Variants in NLRP14 observed in about 807,000 individuals in gnomAD.
NLRP14 encodes the protein NACHT, LRR and PYD domains-containing protein 14.
Under a neutral mutation model 94.7 loss-of-function variants are expected in NLRP14, and 105 were observed. The ratio of observed to expected loss-of-function variants is 1.11; its 90% CI spans 0.95 to 1.30. The LOEUF is 1.30. Ranked by LOEUF, NLRP14 falls within the 50% of genes most tolerant of loss-of-function variation. NLRP14 has a pLI of 0.00. For synonymous variants in NLRP14, 508 were observed against 459.9 expected (o/e 1.10, Z -1.34); for missense variants, 1,362 against 1,254.1 (o/e 1.09, Z -1.30).
intron 5 of NLRP14, among the ~76,000 whole-genome samples, chr11:7,047,340 G>C (rs766665892): frequency 2.0e-5 from 3 of 151,732 alleles, no homozygotes; most frequent in Non-Finnish European, 4.4e-5. Context: ...CCTGAGACAG[G>C]GTCTTACTCT....
chr11:7,074,441 A>C (rs542892545), downstream of NLRP14, among the ~76,000 whole-genome samples: 2 of 152,346 alleles, frequency 1.3e-5, no homozygotes, highest in Non-Finnish European at 2.9e-5. Flanking sequence ...CCTCTTTCAC[A>C]TGATAGCCTT....
chr11:7,071,819 G>C (rs907379897), downstream of NLRP14, among the ~76,000 whole-genome samples: 6 of 151,904 alleles, frequency 3.9e-5, no homozygotes, highest in African/African-American at 1.4e-4. Context: ...CTACCAGCTA[G>C]CAACCAGCAT....
intron 8 of NLRP14, among the ~76,000 whole-genome samples, chr11:7,058,842 T>C (rs16921956): frequency 0.031 from 4,719 of 152,092 alleles, 141 homozygotes; most frequent in East Asian, 0.13. Flanking sequence ...TAGCACTCTG[T>C]TGTATGTCTG....
At chr11:7,090,383 C>T in the NLRP14 span, 7 of 1,438,118 alleles carry the variant, frequency 4.9e-6, no homozygotes, top group Admixed American at 1.4e-4. Context: ...TACCCAAGGA[C>T]TAGTACAAGG....
chr11:7,061,048 CATT>C (rs1852612180), intron 9 of NLRP14, among the ~76,000 whole-genome samples: 1 of 151,976 alleles, frequency 6.6e-6, no homozygotes, highest in Non-Finnish European at 1.5e-5. Context: ...TTTTGTGAGT[CATT>C]AATGGTCTAA....
chr11:7,059,166 A>C (rs1852571137), intron 8 of NLRP14, among the ~76,000 whole-genome samples: 1 of 150,280 alleles, frequency 6.7e-6, no homozygotes, highest in Non-Finnish European at 1.5e-5. Context: ...GATGTTTTCT[A>C]TTATATATAT....
Position 7,070,469 on chromosome 11 carries a change from T to G in NLRP14, c.3146+13T>G, listed in dbSNP as rs1418184593. On this transcript the variant is annotated intron_variant, in intron 11 of 11. Coordinates refer to ENST00000299481, the MANE Select transcript of NLRP14 (RefSeq NM_176822.4). Reference sequence around the variant, plus strand: ...TACAAGTTCTAGGGTAAGTCTCCATTGGCTTCTCAGGGGGAGCATTTCCTA... The same window carrying G: ...TACAAGTTCTAGGGTAAGTCTCCATGGGCTTCTCAGGGGGAGCATTTCCTA... The G allele has an allele frequency of 6.2e-7, 1 of 1,601,972 alleles. No individual in the cohort carries two copies. The highest frequency in any genetic ancestry group is 8.5e-7 in the Non-Finnish European group (1 of 1,169,800).
chr11:7,057,915 G>C, intron 7 of NLRP14, 68 bp downstream of exon 7: 1 of 1,337,554 alleles, frequency 7.5e-7, no homozygotes, highest in South Asian at 1.2e-5. Context: ...ATTGTGATCT[G>C]ATAGGGAAAC....
intron 8 of NLRP14, 108 bp downstream of exon 8, chr11:7,058,558 C>A: frequency 1.2e-6 from 1 of 818,616 alleles, no homozygotes; most frequent in Non-Finnish European, 2.0e-6. Flanking sequence ...TTCCCTGTTA[C>A]CCTTAATGAA....
At chr11:7,078,462 A>AAAAAAAAG in the NLRP14 span, among the ~76,000 whole-genome samples, 389 of 88,528 alleles carry the variant, frequency 4.4e-3, 106 homozygotes, top group East Asian at 9.9e-3. Flanking sequence ...AAAAAAAAAA[A>AAAAAAAAG]CAAAAAAATT....
chr11:7,049,807 A>G lies in NLRP14; in HGVS notation c.2260A>G (p.Lys754Glu). Reference sequence around the variant, plus strand: ...AGTAAAGTCATTGTGTGAGGCCTTGAAACACCCAGAGTGTAAACTACAGAC... The same window carrying G: ...AGTAAAGTCATTGTGTGAGGCCTTGGAACACCCAGAGTGTAAACTACAGAC... ...NGVKSLCEAL[K>E]HPECKLQTLR... The change falls in exon 6 of 12, where the codon AAA (lysine) becomes GAA (glutamate). Residue 754 changes from lysine (K) to glutamate (E), a missense_variant. Coordinates refer to ENST00000299481, the MANE Select transcript of NLRP14 (RefSeq NM_176822.4). The G allele has an allele frequency of 6.2e-7, 1 of 1,612,940 alleles. No individual in the cohort carries two copies. The highest frequency in any genetic ancestry group is 8.5e-7 in the Non-Finnish European group (1 of 1,178,970).
downstream of NLRP14, among the ~76,000 whole-genome samples, chr11:7,074,980 T>C (rs1852856552): frequency 6.6e-6 from 1 of 152,220 alleles, no homozygotes; most frequent in African/African-American, 2.4e-5. Flanking sequence ...CTTTGTCTTT[T>C]TGGTGCACCT....
At chr11:7,038,446 C>A in intron 1 of NLRP14, 120 bp from the exon 2 acceptor site, 1 of 795,970 alleles carries the variant, frequency 1.3e-6, no homozygotes, top group Non-Finnish European at 2.1e-6. Context: ...GAGCCTAATA[C>A]AGTGGGCTTC....
Position 7,043,839 on chromosome 11 carries a change from G to T in NLRP14, c.1813G>T (p.Val605Phe), listed in dbSNP as rs1264200006. ...CCAGGCAATGAGATGTTTCCCAAAGGTTGCCATTAATATTTGTGAGAAAAT... is the reference window on the plus strand; with the variant it reads ...CCAGGCAATGAGATGTTTCCCAAAGTTTGCCATTAATATTTGTGAGAAAAT... ...ISQAMRCFPK[V>F]AINICEKIHL... Residue 605 changes from valine (V) to phenylalanine (F), a missense_variant, in exon 4 of 12, where the codon GTT becomes TTT. By Grantham distance (50) the Val-to-Phe change is conservative. Transcript: ENST00000299481. 2.5e-6 allele frequency: 4 copies of T among 1,614,056 alleles called. No individual in the cohort carries two copies. The highest frequency in any genetic ancestry group is 2.2e-5 in the South Asian group (2 of 91,084).
At chr11:7,086,280 T>C in the NLRP14 span, among the ~76,000 whole-genome samples, 9 of 152,212 alleles carry the variant, frequency 5.9e-5, no homozygotes, top group Non-Finnish European at 1.0e-4. Context: ...TCTTCAGTCA[T>C]GGGGAAGTTT....
chr11:7,057,578 C>G (rs1255005779), intron 6 of NLRP14, 99 bp from the exon 7 acceptor site: 1 of 1,181,738 alleles, frequency 8.5e-7, no homozygotes, highest in Non-Finnish European at 1.3e-6. Flanking sequence ...AGGCAAGATT[C>G]CAAAGATTAG....
intron 10 of NLRP14, among the ~76,000 whole-genome samples, chr11:7,064,101 C>G (rs1852669059): frequency 6.6e-6 from 1 of 152,124 alleles, no homozygotes; most frequent in African/African-American, 2.4e-5. Context: ...GCCAGGTAAG[C>G]AGTCTCACTG....
At chr11:7,070,478 A>T (rs1402928441) in intron 11 of NLRP14, 22 bp downstream of exon 11, 15 of 1,580,118 alleles carry the variant, frequency 9.5e-6, no homozygotes, top group East Asian at 6.7e-5. Flanking sequence ...TTGGCTTCTC[A>T]GGGGGAGCAT....
At chr11:7,089,178 G>A in the NLRP14 span, 2 of 1,613,998 alleles carry the variant, frequency 1.2e-6, no homozygotes, top group Non-Finnish European at 1.7e-6. Flanking sequence ...CCTCGAAACC[G>A]ACGAGAAAGC....
Sources: gnomAD v4.1 joint callset for allele counts (sites outside exome capture counted in the v4.1 genomes callset) on GRCh38, gnomAD v4.1.1 for gene constraint, MANE v1.5 for transcripts, NCBI Gene and HGNC (gene_info 2026-07-23, HGNC 2026-07-21) for gene names.